Variants in VPS33B observed in about 807,000 individuals in gnomAD.
The protein encoded by VPS33B is VPS33B late endosome and lysosome associated.
Under a neutral mutation model 95.3 loss-of-function variants are expected in VPS33B, and 80 were observed. The ratio of observed to expected loss-of-function variants is 0.84; its 90% CI spans 0.70 to 1.01. The LOEUF is 1.01. Among genes scored for constraint, VPS33B ranks in the 50% least tolerant of loss-of-function variants. The pLI, the probability that VPS33B is intolerant of heterozygous loss-of-function variation, is 0.00. For missense variants in VPS33B, 715 were observed against 773.4 expected (o/e 0.92, Z 0.90); for synonymous variants, 280 against 280.4 (o/e 1.00, Z 0.01).
At position 91,010,031 on chromosome 15, in the gene VPS33B, C is replaced by G. The variant is rs554614617; in HGVS notation, c.358-185G>C. Reference sequence around the variant, plus strand: ...ATTCAGCCCAGCACTTCAGTTCTTTCTCATCCATTTAATTTATGTTTGAGT... The same window carrying G: ...ATTCAGCCCAGCACTTCAGTTCTTTGTCATCCATTTAATTTATGTTTGAGT... On this transcript the variant is annotated intron_variant, in intron 5 of 22. Coordinates refer to ENST00000333371, the MANE Select transcript of VPS33B (RefSeq NM_018668.5). The surrounding 1 kb of genome is among the most constrained non-coding windows in gnomAD (Gnocchi z 5.7). Among the ~76,000 whole-genome samples, 1 of 152,348 alleles carries G rather than the reference C, an allele frequency of 6.6e-6. No individual in the cohort carries two copies. Among genetic ancestry groups the G allele is most frequent in the East Asian group, 1.9e-4 (1 of 5,190 alleles).
chr15:90,999,108 G>C lies in VPS33B; in HGVS notation c.1775-54C>G. On this transcript the variant is annotated intron_variant, in intron 22 of 22. Transcript: ENST00000333371. This position sits in a 1 kb window ranked among gnomAD's most constrained non-coding sequence, Gnocchi z 5.1. ...GACAGCACAGATCTTAGGCCCCAAC[G>C]GCAACCCATAGAGCCTCTCCAGTTC... is the stretch of plus-strand genomic sequence containing the variant. 1 of 1,565,640 alleles carries C rather than the reference G, an allele frequency of 6.4e-7. No homozygotes were observed. Among genetic ancestry groups the C allele is most frequent in the Non-Finnish European group, 8.8e-7 (1 of 1,140,638 alleles).
At chr15:91,016,610 C>T (rs570581684) in intron 3 of VPS33B, among the ~76,000 whole-genome samples, 2 of 152,178 alleles carry the variant, frequency 1.3e-5, no homozygotes, top group East Asian at 1.9e-4. Context: ...TCTCTATCTC[C>T]TGACCTCAGA....
At position 91,000,504 on chromosome 15, in the gene VPS33B, G is replaced by C. The variant is rs751982861; in HGVS notation, c.1567C>G (p.Arg523Gly). 21 of 1,612,858 alleles carry C rather than the reference G, an allele frequency of 1.3e-5. No individual in the cohort carries two copies. Among genetic ancestry groups the C allele is most frequent in the Admixed American group, 8.3e-5 (5 of 59,942 alleles). ...CATGCTCTCACCTGCTCAATGATTC[G>C]GCAGCTCAGGGGCACATAAGCACCA... ...FGGAYVPLSC[R>G]IIEQVLERRS... Residue 523 changes from arginine to glycine, a missense_variant, in exon 20 of 23, where the codon CGA (arginine) becomes GGA (glycine). Transcript: ENST00000333371. The surrounding 1 kb of genome is among the most constrained non-coding windows in gnomAD (Gnocchi z 4.9).
Position 91,011,597 on chromosome 15 carries a change from A to G in VPS33B, c.358-1751T>C, listed in dbSNP as rs2040780842. 6.6e-6 allele frequency among the ~76,000 whole-genome samples: 1 copy of G among 152,276 alleles called. No homozygotes were observed. The highest frequency in any genetic ancestry group is 2.1e-4 in the South Asian group (1 of 4,834). On this transcript the variant is annotated intron_variant, in intron 5 of 22. Coordinates refer to ENST00000333371, the MANE Select transcript of VPS33B (RefSeq NM_018668.5). This position sits in a 1 kb window ranked among gnomAD's most constrained non-coding sequence, Gnocchi z 5.5. ...AAGAATTTGATTAGATAAGGTGTTA[A>G]GTGGAGAACACTCATAAAAATAACT...
In VPS33B at chr15:91,006,325, T is replaced by A. The variant is rs762558753; in HGVS notation, c.852+47A>T. On this transcript the variant is annotated intron_variant, in intron 11 of 22. Coordinates refer to ENST00000333371, the MANE Select transcript of VPS33B (RefSeq NM_018668.5). The surrounding 1 kb of genome is among the most constrained non-coding windows in gnomAD (Gnocchi z 5.4). ...TAAGCAGGGGGCCCACAGCCTGGTA[T>A]AAGCAGTGGCCCTAGGTGGGCCCAT... 6.2e-7 allele frequency: 1 copy of A among 1,602,022 alleles called. No homozygotes were observed. The highest frequency in any genetic ancestry group is 8.5e-7 in the Non-Finnish European group (1 of 1,171,306).
Position 91,017,991 on chromosome 15 carries a change from G to A in VPS33B, c.97-106C>T, listed in dbSNP as rs73497935. 2.5e-3 allele frequency: 2,478 copies of A among 972,348 alleles called. 36 individuals carry two copies. In the African/African-American group the frequency reaches 0.035, roughly 14 times the overall value. 60.2% of individuals were successfully genotyped at this position (972,348 alleles called of 1,614,324 possible). A position where few individuals can be genotyped will look rare whatever the true frequency, so the allele number is the denominator to read the frequency against. On this transcript the variant is annotated intron_variant, in intron 1 of 22. Coordinates refer to ENST00000333371, the MANE Select transcript of VPS33B (RefSeq NM_018668.5). ...ACAGAAACAGTCTCTGAGGTGGGAGGGCACTAAGTATCGTCTAGCCCGTCA... is the reference window on the plus strand; with the variant it reads ...ACAGAAACAGTCTCTGAGGTGGGAGAGCACTAAGTATCGTCTAGCCCGTCA...
rs199874738 is a variant in VPS33B, at chr15:91,017,849, G to C, written c.133C>G (p.Leu45Val). The C allele has an allele frequency of 1.9e-5, 30 of 1,614,112 alleles. No homozygotes were observed. The South Asian group carries it at 3.1e-4, about 17-fold the overall frequency. Reference sequence around the variant, plus strand: ...GCAATTCGATCCAAAGGGCTCATGAGATCTGCCTCAATGAATAAATCCTTT... The same window carrying C: ...GCAATTCGATCCAAAGGGCTCATGACATCTGCCTCAATGAATAAATCCTTT... Reference protein sequence around the residue: ...GKKDLFIEADLMSPLDRIANV... With the variant: ...GKKDLFIEADVMSPLDRIANV... Residue 45 changes from leucine to valine, a missense_variant, in exon 2 of 23, where the codon CTC becomes GTC. Physicochemically the swap from Leu to Val is conservative, Grantham distance 32 (BLOSUM62 1). Transcript: ENST00000333371.
intron 1 of VPS33B, among the ~76,000 whole-genome samples, chr15:91,020,563 T>C (rs945798000): frequency 2.6e-5 from 4 of 152,134 alleles, no homozygotes; most frequent in Non-Finnish European, 5.9e-5. Flanking sequence ...TTTATGTGCA[T>C]GTCACTGTGC....
chr15:91,006,773 C>T lies in VPS33B; in HGVS notation c.701-44G>A. The stretch of plus-strand genomic sequence containing the variant: ...ACCATGAAGGTTCTCCCTGACCCAG[C>T]CTTCTACACAGCATGTCCAAGGGCA... On this transcript the variant is annotated intron_variant, in intron 9 of 22. Transcript: ENST00000333371. This position sits in a 1 kb window ranked among gnomAD's most constrained non-coding sequence, Gnocchi z 5.4. The T allele has an allele frequency of 3.7e-6, 6 of 1,611,054 alleles. No individual in the cohort carries two copies. Among genetic ancestry groups the T allele is most frequent in the African/African-American group, 1.3e-5 (1 of 74,960 alleles).
chr15:91,010,398 C>G lies in VPS33B; in HGVS notation c.358-552G>C, dbSNP rs1400185376. Among the ~76,000 whole-genome samples, 1 of 152,152 alleles carries G rather than the reference C, an allele frequency of 6.6e-6. No homozygotes were observed. Among genetic ancestry groups the G allele is most frequent in the Non-Finnish European group, 1.5e-5 (1 of 68,030 alleles). On this transcript the variant is annotated intron_variant, in intron 5 of 22. Transcript: ENST00000333371. This position sits in a 1 kb window ranked among gnomAD's most constrained non-coding sequence, Gnocchi z 5.7. The stretch of plus-strand genomic sequence containing the variant: ...GGTGAATCGCTTGAGCCCAGAAGTT[C>G]TAGACCAGTCTGGGCAACATAGTGA...
chr15:91,013,330 C>T lies in VPS33B; in HGVS notation c.357+474G>A, dbSNP rs2040831401. 6.6e-6 allele frequency among the ~76,000 whole-genome samples: 1 copy of T among 152,196 alleles called. No individual in the cohort carries two copies. Among genetic ancestry groups the T allele is most frequent in the African/African-American group, 2.4e-5 (1 of 41,434 alleles). ...GTGACAGGTATTAGGTTCAATCACA[C>T]ATAATTTGCTTTGAGGGAGTGCTAT... On this transcript the variant is annotated intron_variant, in intron 5 of 22. Coordinates refer to ENST00000333371, the MANE Select transcript of VPS33B (RefSeq NM_018668.5). This position sits in a 1 kb window ranked among gnomAD's most constrained non-coding sequence, Gnocchi z 4.5.
rs1424295518 is a variant in VPS33B at position 91,013,003 on chromosome 15, C to T, written c.357+801G>A. Among the ~76,000 whole-genome samples the T allele has an allele frequency of 6.6e-6, 1 of 152,044 alleles. No homozygotes were observed. Among genetic ancestry groups the T allele is most frequent in the Non-Finnish European group, 1.5e-5 (1 of 68,012 alleles). Reference sequence around the variant, plus strand: ...ATGGTTCTAGTAACCCAGGGGCAGCCCAGCCACATCCTTATAAGCATAGCG... The same window carrying T: ...ATGGTTCTAGTAACCCAGGGGCAGCTCAGCCACATCCTTATAAGCATAGCG... On this transcript the variant is annotated intron_variant, in intron 5 of 22. Transcript: ENST00000333371. The surrounding 1 kb of genome is among the most constrained non-coding windows in gnomAD (Gnocchi z 4.5).
rs188981135 is a variant in VPS33B at position 91,007,334 on chromosome 15, G to C, written c.603+135C>G. 175 of 931,026 alleles carry C rather than the reference G, an allele frequency of 1.9e-4. No homozygotes were observed. The highest frequency in any genetic ancestry group is 2.5e-4 in the Non-Finnish European group (146 of 580,758). 57.7% of individuals were successfully genotyped at this position (931,026 alleles called of 1,614,324 possible). A position where few individuals can be genotyped will look rare whatever the true frequency, so the allele number is the denominator to read the frequency against. ...GTTAGCCACACAAGTTCTCCTCTCTGAGGATCTATTCCAGAACAATGAAAG... is the reference window on the plus strand; with the variant it reads ...GTTAGCCACACAAGTTCTCCTCTCTCAGGATCTATTCCAGAACAATGAAAG... On this transcript the variant is annotated intron_variant, in intron 8 of 22. Transcript: ENST00000333371. This position sits in a 1 kb window ranked among gnomAD's most constrained non-coding sequence, Gnocchi z 5.3.
intron 18 of VPS33B, 139 bp from the exon 19 acceptor site, chr15:91,001,601 C>G (rs12439887): frequency 1.3e-6 from 1 of 759,346 alleles, no homozygotes; most frequent in South Asian, 1.5e-5. Context: ...TTCCCTGGAA[C>G]TAATCAAGAT....
rs1021642466 is a variant in VPS33B, at chr15:91,015,020, G to GTGA, written c.240-590_240-588dup. On this transcript the variant is annotated intron_variant, in intron 3 of 22. Transcript: ENST00000333371. This position sits in a 1 kb window ranked among gnomAD's most constrained non-coding sequence, Gnocchi z 4.7. ...GTTTGAGACCAGCCCAGCCAACATGGTGAAACCCCGTCTCTACTAAAAATA... is the reference window on the plus strand; with the variant it reads ...GTTTGAGACCAGCCCAGCCAACATGGTGATGAAACCCCGTCTCTACTAAAAATA... Among the ~76,000 whole-genome samples, 14 of 151,258 alleles carry GTGA rather than the reference G, an allele frequency of 9.3e-5. No individual in the cohort carries two copies. The East Asian group carries it at 9.8e-4, about 11-fold the overall frequency.
At position 91,008,042 on chromosome 15, in the gene VPS33B, T is replaced by A; in HGVS notation, c.404-78A>T. 4.5e-6 allele frequency: 6 copies of A among 1,338,448 alleles called. No individual in the cohort carries two copies. The South Asian group carries it at 7.0e-5, about 16-fold the overall frequency. The allele number at this position is 1,338,448 out of a possible 1,614,324, so 82.9% of individuals were successfully genotyped here. The stretch of plus-strand genomic sequence containing the variant: ...TAAGAGGGAAGGTCCGCCACAAATA[T>A]TTGAGTGCGTGCAACAAATATATGA... On this transcript the variant is annotated intron_variant, in intron 6 of 22. Transcript: ENST00000333371.
rs979837074 is a variant in VPS33B at position 91,013,447 on chromosome 15, G to A, written c.357+357C>T. On this transcript the variant is annotated intron_variant, in intron 5 of 22. Transcript: ENST00000333371. The surrounding 1 kb of genome is among the most constrained non-coding windows in gnomAD (Gnocchi z 4.5). ...GGTGCAGCCTAATAACAGGTGATTG[G>A]GTTATGAGGGAGGAGTCCTCATGAA... 1.3e-5 allele frequency among the ~76,000 whole-genome samples: 2 copies of A among 152,268 alleles called. No individual in the cohort carries two copies. The highest frequency in any genetic ancestry group is 3.4e-3 in the Middle Eastern group (1 of 294).
chr15:91,021,788 G>C (rs1045388974), intron 1 of VPS33B, among the ~76,000 whole-genome samples: 1 of 152,172 alleles, frequency 6.6e-6, no homozygotes, highest in Non-Finnish European at 1.5e-5. Flanking sequence ...GAACTCTTCG[G>C]GTACACTAGC....
At position 91,017,367 on chromosome 15, in the gene VPS33B, AATATATATATATATATATAT is replaced by A. The variant is rs1159663715; in HGVS notation, c.178-363_178-344del. Among the ~76,000 whole-genome samples the A allele has an allele frequency of 3.8e-3, 61 of 15,846 alleles. 4 individuals carry two copies. Among genetic ancestry groups the A allele is most frequent in the Admixed American group, 8.9e-3 (8 of 898 alleles). 10.4% of individuals were successfully genotyped at this position (15,846 alleles called of 152,430 possible). A position where few individuals can be genotyped will look rare whatever the true frequency, so the allele number is the denominator to read the frequency against. On this transcript the variant is annotated intron_variant, in intron 2 of 22. Transcript: ENST00000333371. ...ACAAGACTCCATCTCTACAAAATTA[AATATATATATATATATATAT>A]ATATATATATATATATATATATATA... is the stretch of plus-strand genomic sequence containing the variant.
Sources: allele counts gnomAD v4.1 joint callset (sites outside exome capture counted in the v4.1 genomes callset), GRCh38; gene constraint gnomAD v4.1.1; non-coding constraint Gnocchi (gnomAD v3.1); transcripts MANE v1.5; gene names NCBI Gene and HGNC (gene_info 2026-07-23, HGNC 2026-07-21).